ARRB1: variants seen among roughly 807,000 people sequenced by gnomAD.
ARRB1 encodes arrestin beta 1, also known as beta-arrestin-1.
In ARRB1, 21 loss-of-function variants were observed where a neutral mutation model predicts 56.8. The observed-to-expected ratio is 0.37, with a 90% CI of 0.26 to 0.53. The LOEUF (loss-of-function observed/expected upper bound fraction) is 0.53, where lower values mean the gene tolerates loss of function less well. ARRB1 is among the 20% of genes least tolerant of loss of function. The probability of loss-of-function intolerance (pLI) is 0.88; values close to 1 mark genes in which losing one functional copy is unlikely to be tolerated. For missense variants in ARRB1, 424 were observed against 553.7 expected (o/e 0.77, Z 2.35); for synonymous variants, 210 against 218.6 (o/e 0.96, Z 0.35).
chr11:75,319,462 T>C (rs998114277), intron 1 of ARRB1, among the ~76,000 whole-genome samples: 2 of 152,218 alleles, frequency 1.3e-5, no homozygotes, highest in African/African-American at 4.8e-5. Context: ...CACAGGCTGC[T>C]CCTGCCTGGA....
Position 75,263,555 on chromosome 11 carries a change from G to A in ARRB1, c.*2608C>T, listed in dbSNP as rs1484312742. Among the ~76,000 whole-genome samples the A allele has an allele frequency of 1.3e-5, 2 of 152,198 alleles. No individual in the cohort carries two copies. Among genetic ancestry groups the A allele is most frequent in the African/African-American group, 4.8e-5 (2 of 41,448 alleles). On this transcript the variant is annotated 3_prime_UTR_variant, in exon 16 of 16. Transcript: ENST00000420843. ...ACCAGCAGCCACCAGGAGCCCTGAA[G>A]GCAACTGCCCTCTATTACTTATCCC...
chr11:75,277,347 C>T lies in ARRB1; in HGVS notation c.703+17G>A. On this transcript the variant is annotated intron_variant, in intron 9 of 15. Coordinates refer to ENST00000420843, the MANE Select transcript of ARRB1 (RefSeq NM_004041.5). ...TGCCTCTCGCTGTCCCCTAAGCTGA[C>T]CCTCTGTCTGGGATACCTGAGATCT... 2 of 1,612,204 alleles carry T rather than the reference C, an allele frequency of 1.2e-6. No homozygotes were observed. The highest frequency in any genetic ancestry group is 1.1e-5 in the South Asian group (1 of 91,042).
chr11:75,266,891 G>GCCTC (rs1945932193), intron 15 of ARRB1, among the ~76,000 whole-genome samples: 1 of 152,194 alleles, frequency 6.6e-6, no homozygotes, highest in African/African-American at 2.4e-5. Flanking sequence ...GGGGGGCAGA[G>GCCTC]GACCTGTTCG....
intron 9 of ARRB1, 56 bp downstream of exon 9, chr11:75,277,308 G>T (rs1186759288): frequency 4.7e-5 from 73 of 1,542,972 alleles, no homozygotes; most frequent in Non-Finnish European, 6.4e-5. Flanking sequence ...GCCACCCCCA[G>T]CCCTTGGGAA....
At chr11:75,276,970 C>T in intron 9 of ARRB1, 59 bp from the exon 10 acceptor site, 1 of 1,479,426 alleles carries the variant, frequency 6.8e-7, no homozygotes, top group Non-Finnish European at 9.4e-7. Flanking sequence ...CATGGAGTCT[C>T]ACAGGCGTCC....
intron 3 of ARRB1, among the ~76,000 whole-genome samples, chr11:75,286,324 CG>C (rs1946475088): frequency 2.5e-5 from 3 of 122,114 alleles, no homozygotes; most frequent in Non-Finnish European, 3.2e-5. Context: ...GGCTGGAGTG[CG>C]GTGGCATGAT....
intron 1 of ARRB1, among the ~76,000 whole-genome samples, chr11:75,313,432 G>C (rs1280160138): frequency 6.6e-6 from 1 of 152,254 alleles, no homozygotes; most frequent in Admixed American, 6.5e-5. Flanking sequence ...GGGCCCCTCA[G>C]CCAAGGCTTC....
At chr11:75,310,212 C>T (rs1423017808) in intron 1 of ARRB1, among the ~76,000 whole-genome samples, 1 of 152,182 alleles carries the variant, frequency 6.6e-6, no homozygotes, top group Non-Finnish European at 1.5e-5. Flanking sequence ...GGCATCTTAC[C>T]TTTCCTGTCC....
intron 1 of ARRB1, among the ~76,000 whole-genome samples, chr11:75,325,935 C>T (rs1448973911): frequency 1.3e-5 from 2 of 152,218 alleles, no homozygotes; most frequent in Non-Finnish European, 2.9e-5. Context: ...CCGGCTGACT[C>T]AGAGGCTTGG....
chr11:75,322,118 G>A (rs1947356721), intron 1 of ARRB1, among the ~76,000 whole-genome samples: 1 of 152,252 alleles, frequency 6.6e-6, no homozygotes, highest in African/African-American at 2.4e-5. Context: ...TAAGGAGTCA[G>A]GGAAGTCTTC....
chr11:75,277,007 C>T (rs1946215544), intron 9 of ARRB1, 96 bp from the exon 10 acceptor site: 1 of 1,294,358 alleles, frequency 7.7e-7, no homozygotes. Context: ...CAGCCCCAGG[C>T]AATGGCCAGA....
Position 75,282,122 on chromosome 11 carries a change from C to G in ARRB1, c.355-101G>C, listed in dbSNP as rs915161214. The G allele has an allele frequency of 8.0e-6, 10 of 1,254,478 alleles. No homozygotes were observed. The East Asian group carries it at 2.5e-4, about 31-fold the overall frequency. The allele number at this position is 1,254,478 out of a possible 1,614,324, so 77.7% of individuals were successfully genotyped here. ...TCCCATACACCCATCAGACCAAGGG[C>G]CCCAGGGGACAGGCCATGTCTATCC... is the stretch of plus-strand genomic sequence containing the variant. On this transcript the variant is annotated intron_variant, in intron 5 of 15. Transcript: ENST00000420843.
intron 1 of ARRB1, among the ~76,000 whole-genome samples, chr11:75,321,474 G>C (rs7127461): frequency 0.37 from 56,543 of 151,830 alleles, 11,442 homozygotes; most frequent in African/African-American, 0.53. Flanking sequence ...TTACACACAT[G>C]CTCACCACCA....
intron 1 of ARRB1, among the ~76,000 whole-genome samples, chr11:75,337,577 A>G (rs568278998): frequency 1.5e-4 from 23 of 151,986 alleles, no homozygotes; most frequent in Non-Finnish European, 3.2e-4. Context: ...AGTCCAAGAG[A>G]CAAGAGATAC....
At chr11:75,338,559 G>A (rs1488004287) in intron 1 of ARRB1, among the ~76,000 whole-genome samples, 1 of 152,154 alleles carries the variant, frequency 6.6e-6, no homozygotes, top group Non-Finnish European at 1.5e-5. Flanking sequence ...TGTACACTGG[G>A]TCAGGGCTCA....
Position 75,269,265 on chromosome 11 carries a change from G to A in ARRB1, c.1023-306C>T, listed in dbSNP as rs1432088270. ...AGGATTGCCCGGGGCAGCATGCACC[G>A]TGGTCACTGCGGGGCTCCAGAGGTG... On this transcript the variant is annotated intron_variant, in intron 13 of 15. Transcript: ENST00000420843. The A allele has an allele frequency of 1.9e-5, 11 of 588,878 alleles. No homozygotes were observed. The Middle Eastern group carries it at 1.2e-3, about 64-fold the overall frequency. 36.5% of individuals were successfully genotyped at this position (588,878 alleles called of 1,614,324 possible). A position where few individuals can be genotyped will look rare whatever the true frequency, so the allele number is the denominator to read the frequency against.
chr11:75,268,719 C>A (rs1210134097), intron 14 of ARRB1, among the ~76,000 whole-genome samples, 170 bp downstream of exon 14: 1 of 152,094 alleles, frequency 6.6e-6, no homozygotes, highest in Non-Finnish European at 1.5e-5. Flanking sequence ...CCACGCCTCA[C>A]TGTCTCCTGG....
chr11:75,337,918 C>T (rs896089820), intron 1 of ARRB1, among the ~76,000 whole-genome samples: 3 of 149,894 alleles, frequency 2.0e-5, no homozygotes, highest in Non-Finnish European at 4.4e-5. Flanking sequence ...GGGTGTGAGC[C>T]ACCGCACCCA....
intron 2 of ARRB1, among the ~76,000 whole-genome samples, chr11:75,288,159 G>A (rs976204454): frequency 1.1e-4 from 17 of 152,116 alleles, no homozygotes; most frequent in Non-Finnish European, 1.8e-4. Flanking sequence ...CACCGTGCCC[G>A]GCCTAATTAA....
Sources: allele counts gnomAD v4.1 joint callset (sites outside exome capture counted in the v4.1 genomes callset), GRCh38; gene constraint gnomAD v4.1.1; transcripts MANE v1.5; gene names NCBI Gene and HGNC (gene_info 2026-07-23, HGNC 2026-07-21).